SAMD4B: variants seen among roughly 807,000 people sequenced by gnomAD.
SAMD4B encodes the protein sterile alpha motif domain containing 4B.
Under a neutral mutation model 74.5 loss-of-function variants are expected in SAMD4B, and 5 were observed. That is an observed-to-expected ratio of 0.07 (90% CI 0.04 to 0.14). The LOEUF is 0.14. SAMD4B is among the 10% of genes least tolerant of loss of function. The probability of loss-of-function intolerance (pLI) is 1.00; values close to 1 mark genes in which losing one functional copy is unlikely to be tolerated. For synonymous variants in SAMD4B, 373 were observed against 374.9 expected (o/e 1.00, Z 0.06); for missense variants, 608 against 921.8 (o/e 0.66, Z 4.41).
chr19:39,361,339 G>A (rs550559195), intron 3 of SAMD4B, among the ~76,000 whole-genome samples: 78 of 152,288 alleles, frequency 5.1e-4, no homozygotes, highest in African/African-American at 1.8e-3. Flanking sequence ...TTCCCTGGCC[G>A]GGCGCCATGG....
intron 4 of SAMD4B, among the ~76,000 whole-genome samples, chr19:39,372,077 A>G (rs938245526): frequency 6.6e-6 from 1 of 152,084 alleles, no homozygotes; most frequent in Non-Finnish European, 1.5e-5. Flanking sequence ...CATCATGGGT[A>G]CCCCAGCAGC....
chr19:39,380,244 G>A (rs953923755), intron 10 of SAMD4B, among the ~76,000 whole-genome samples, 160 bp downstream of exon 10: 1 of 152,208 alleles, frequency 6.6e-6, no homozygotes, highest in African/African-American at 2.4e-5. Context: ...ATAGGATGCT[G>A]AGCTGAAAAA....
At chr19:39,380,127 C>T (rs755968852) in intron 10 of SAMD4B, 43 bp downstream of exon 10, 1 of 1,472,906 alleles carries the variant, frequency 6.8e-7, no homozygotes, top group East Asian at 2.3e-5. Flanking sequence ...CTCCATAGGC[C>T]TTTGCTGGTT....
downstream of SAMD4B, among the ~76,000 whole-genome samples, chr19:39,388,128 G>C (rs552232802): frequency 2.0e-5 from 3 of 152,140 alleles, no homozygotes; most frequent in African/African-American, 7.2e-5. Flanking sequence ...GCAACAGAGC[G>C]AGACTCCATC....
At chr19:39,386,628 C>T (rs1043529649), downstream of SAMD4B, 4 of 1,605,522 alleles carry the variant, frequency 2.5e-6, no homozygotes, top group Non-Finnish European at 3.4e-6. This position sits in a 1 kb window ranked among gnomAD's most constrained non-coding sequence, Gnocchi z 6.1. Context: ...GGGTTTTTGT[C>T]CCCCTCCTCA....
chr19:39,380,190 A>G (rs896796588), intron 10 of SAMD4B, 106 bp downstream of exon 10: 3 of 856,170 alleles, frequency 3.5e-6, no homozygotes, highest in Non-Finnish European at 5.4e-6. Context: ...ATCTAGTTTT[A>G]TTCAGTCACT....
intron 2 of SAMD4B, 75 bp downstream of exon 2, chr19:39,354,141 C>G (rs907921171): frequency 2.0e-4 from 30 of 152,188 alleles, no homozygotes; most frequent in African/African-American, 7.2e-4. Context: ...AGACTAGCTC[C>G]GTGATCAAAG....
intron 2 of SAMD4B, 54 bp from the exon 3 acceptor site, chr19:39,356,635 C>A (rs2076357676): frequency 2.6e-6 from 1 of 378,206 alleles, no homozygotes; most frequent in East Asian, 4.5e-5. Flanking sequence ...CCCACACTCA[C>A]CAGGCAAGTT....
downstream of SAMD4B, chr19:39,386,236 C>G (rs1421409827): frequency 6.2e-7 from 1 of 1,614,210 alleles, no homozygotes; most frequent in Non-Finnish European, 8.5e-7. This position sits in a 1 kb window ranked among gnomAD's most constrained non-coding sequence, Gnocchi z 6.1. Flanking sequence ...AAGATCTCCT[C>G]TTTGTCACGG....
intron 1 of SAMD4B, among the ~76,000 whole-genome samples, chr19:39,344,992 G>C (rs1273020447): frequency 6.6e-6 from 1 of 152,132 alleles, no homozygotes; most frequent in Non-Finnish European, 1.5e-5. Context: ...GTGGTTCTCA[G>C]TGTGGTTCCT....
At chr19:39,372,796 A>G (rs1041153868) in intron 4 of SAMD4B, among the ~76,000 whole-genome samples, 1 of 151,178 alleles carries the variant, frequency 6.6e-6, no homozygotes, top group African/African-American at 2.5e-5. Flanking sequence ...AGAGACACCA[A>G]AACAGGCAAA....
chr19:39,364,002 A>G (rs2076805608), intron 3 of SAMD4B, among the ~76,000 whole-genome samples: 1 of 152,202 alleles, frequency 6.6e-6, no homozygotes, highest in African/African-American at 2.4e-5. Context: ...GGCCAGTTCC[A>G]GTGCTCACTG....
downstream of SAMD4B, chr19:39,388,495 C>T (rs1229516258): frequency 1.2e-6 from 2 of 1,614,136 alleles, no homozygotes; most frequent in Non-Finnish European, 1.7e-6. Context: ...GGTTCAGCCC[C>T]ATTTCTTCCC....
At chr19:39,347,023 A>G (rs987859905) in intron 1 of SAMD4B, among the ~76,000 whole-genome samples, 7 of 152,262 alleles carry the variant, frequency 4.6e-5, no homozygotes, top group African/African-American at 1.4e-4. Context: ...CTCTAAAAAC[A>G]TAAAGTGATA....
Position 39,383,333 on chromosome 19 carries a change from A to G in SAMD4B, c.2056+42A>G. 1.2e-6 allele frequency: 2 copies of G among 1,603,756 alleles called. No individual in the cohort carries two copies. Among genetic ancestry groups the G allele is most frequent in the Non-Finnish European group, 1.7e-6 (2 of 1,170,576 alleles). ...TCCCTGACCCAGCTCCCACCTACCC[A>G]GCGTCTCTGCCTCTGAACTGAGCAA... On this transcript the variant is annotated intron_variant, in intron 13 of 13. Transcript: ENST00000610417. This position sits in a 1 kb window ranked among gnomAD's most constrained non-coding sequence, Gnocchi z 4.1.
chr19:39,344,221 C>T (rs924083225), intron 1 of SAMD4B, among the ~76,000 whole-genome samples: 2 of 152,080 alleles, frequency 1.3e-5, no homozygotes, highest in Admixed American at 6.6e-5. Flanking sequence ...CTAATTTTCC[C>T]CCAAAATAAC....
At position 39,377,580 on chromosome 19, in the gene SAMD4B, C is replaced by T. The variant is rs1030152537; in HGVS notation, c.1200C>T (p.Thr400=). ...AGGCCTACAGTGTCCTCCAGGCCAC[C>T]GTGGCTGCCGCCACCACCACCCCTA... ...PIKAYSVLQA[T]VAAATTTPTA... Residue 400 remains threonine (T), a synonymous_variant, in exon 8 of 14, where the codon ACC becomes ACT. Coordinates refer to ENST00000610417, the MANE Select transcript of SAMD4B (RefSeq NM_001384574.2). The T allele has an allele frequency of 2.8e-5, 45 of 1,613,702 alleles. No homozygotes were observed. Among genetic ancestry groups the T allele is most frequent in the East Asian group, 8.9e-5 (4 of 44,882 alleles).
chr19:39,360,722 C>A (rs1324205606), intron 3 of SAMD4B, among the ~76,000 whole-genome samples: 2 of 152,174 alleles, frequency 1.3e-5, no homozygotes, highest in Non-Finnish European at 2.9e-5. Context: ...AAAGAAGGAG[C>A]TGTTCATACT....
At chr19:39,372,038 T>C (rs76330567) in intron 4 of SAMD4B, among the ~76,000 whole-genome samples, 2 of 152,202 alleles carry the variant, frequency 1.3e-5, no homozygotes, top group South Asian at 4.2e-4. Flanking sequence ...GCCTATAAAT[T>C]TCTTTGTCTT....
Sources: gnomAD v4.1 joint callset for allele counts (sites outside exome capture counted in the v4.1 genomes callset) on GRCh38, gnomAD v4.1.1 for gene constraint, Gnocchi (gnomAD v3.1) non-coding constraint, MANE v1.5 for transcripts, NCBI Gene and HGNC (gene_info 2026-07-23, HGNC 2026-07-21) for gene names.